CIMIP2A: variants seen among roughly 807,000 people sequenced by gnomAD.
CIMIP2A encodes the protein ciliary microtubule inner protein 2A.
chr9:137,251,713 C>T, the CIMIP2A span: 1 of 1,552,848 alleles, frequency 6.4e-7, no homozygotes. Context: ...GGGGCTGAGA[C>T]AGTGGCTGCT....
At chr9:137,244,477 G>T in the CIMIP2A span, 281 of 1,496,480 alleles carry the variant, frequency 1.9e-4, no homozygotes, top group Non-Finnish European at 2.4e-4. Context: ...ACTCAGGAGA[G>T]AGGGGTTGGG....
At chr9:137,252,600 G>T in the CIMIP2A span, 12 of 1,513,230 alleles carry the variant, frequency 7.9e-6, no homozygotes, top group Non-Finnish European at 8.9e-6. Context: ...GGCCAAAGGG[G>T]GGCTGGCTGA....
At chr9:137,251,251 C>T in the CIMIP2A span, 37 of 1,367,442 alleles carry the variant, frequency 2.7e-5, no homozygotes, top group African/African-American at 1.4e-4. Flanking sequence ...CACAGAGCTC[C>T]GTGGTGCCGT....
At chr9:137,248,618 G>A in the CIMIP2A span, among the ~76,000 whole-genome samples, 18 of 152,040 alleles carry the variant, frequency 1.2e-4, no homozygotes, top group African/African-American at 3.6e-4. Context: ...CGGTGCTTTC[G>A]GAGGCCGAGG....
At chr9:137,253,387 G>A in the CIMIP2A span, 2 of 1,509,242 alleles carry the variant, frequency 1.3e-6, no homozygotes, top group South Asian at 1.2e-5. Context: ...CCTTCTGGCT[G>A]GCCAACCCTT....
chr9:137,253,528 T>C, the CIMIP2A span: 2 of 1,405,340 alleles, frequency 1.4e-6, no homozygotes, highest in Non-Finnish European at 1.8e-6. Flanking sequence ...GGGGCGGTCC[T>C]AGAGATATGG....
At chr9:137,247,613 C>T in the CIMIP2A span, 2 of 1,581,158 alleles carry the variant, frequency 1.3e-6, no homozygotes, top group African/African-American at 1.3e-5. Flanking sequence ...CATTCTCCCC[C>T]TCCTGCAGCC....
the CIMIP2A span, chr9:137,244,902 C>G: frequency 1.4e-5 from 22 of 1,583,590 alleles, no homozygotes; most frequent in African/African-American, 2.8e-4. Context: ...GGCAAGGCAC[C>G]GCCTCGTCTT....
At chr9:137,253,669 G>A in the CIMIP2A span, among the ~76,000 whole-genome samples, 1 of 152,314 alleles carries the variant, frequency 6.6e-6, no homozygotes, top group South Asian at 2.1e-4. Context: ...GATGGGAGGT[G>A]GGCTCTGTGG....
At chr9:137,254,078 G>T in the CIMIP2A span, among the ~76,000 whole-genome samples, 3 of 152,192 alleles carry the variant, frequency 2.0e-5, no homozygotes. Flanking sequence ...CTGCCACCTT[G>T]CAGGAGCCTT....
At chr9:137,251,683 C>T in the CIMIP2A span, 134 of 1,533,028 alleles carry the variant, frequency 8.7e-5, no homozygotes, top group Middle Eastern at 9.3e-4. Context: ...GGCTGTGGGG[C>T]ATGTGGCTGG....
At chr9:137,244,880 T>G in the CIMIP2A span, 3 of 1,570,402 alleles carry the variant, frequency 1.9e-6, no homozygotes, top group Non-Finnish European at 2.6e-6. Flanking sequence ...TGTGGCCAAA[T>G]GGGAACAGGC....
At chr9:137,251,938 G>C in the CIMIP2A span, 1 of 1,595,910 alleles carries the variant, frequency 6.3e-7, no homozygotes, top group Non-Finnish European at 8.5e-7. Context: ...GCTGGTCTTT[G>C]GGGGGCTGTG....
At chr9:137,251,112 C>G in the CIMIP2A span, 1 of 617,714 alleles carries the variant, frequency 1.6e-6, no homozygotes, top group South Asian at 1.8e-5. Context: ...CTGGCCCAGG[C>G]GGACCCGCTG....
the CIMIP2A span, chr9:137,253,039 CG>C: frequency 6.6e-7 from 1 of 1,516,532 alleles, no homozygotes; most frequent in Non-Finnish European, 8.9e-7. Context: ...GTTCAGGGGC[CG>C]GGGGTGGGAA....
chr9:137,251,223 G>A, the CIMIP2A span: 1 of 1,123,790 alleles, frequency 8.9e-7, no homozygotes, highest in Non-Finnish European at 1.4e-6. Flanking sequence ...CAGCAACAGA[G>A]GGGCCTACCA....
At chr9:137,252,497 A>G in the CIMIP2A span, 1 of 1,606,946 alleles carries the variant, frequency 6.2e-7, no homozygotes, top group Non-Finnish European at 8.5e-7. Context: ...CCCTTCACGC[A>G]GAAAGCTGAC....
the CIMIP2A span, chr9:137,244,431 C>T: frequency 1.3e-6 from 2 of 1,525,702 alleles, no homozygotes; most frequent in Non-Finnish European, 1.8e-6. Flanking sequence ...CCCCCTACCC[C>T]CGACTCCAAA....
At chr9:137,249,606 C>T in the CIMIP2A span, among the ~76,000 whole-genome samples, 1 of 152,202 alleles carries the variant, frequency 6.6e-6, no homozygotes, top group African/African-American at 2.4e-5. Context: ...TCTTAAGACC[C>T]TTCCAGGAGA....
Sources: allele counts gnomAD v4.1 joint callset (sites outside exome capture counted in the v4.1 genomes callset), GRCh38; gene constraint gnomAD v4.1.1; transcripts MANE v1.5; gene names NCBI Gene and HGNC (gene_info 2026-07-23, HGNC 2026-07-21).